GARRE1: variants seen among roughly 807,000 people sequenced by gnomAD.
The protein encoded by GARRE1 is granule associated Rac and RHOG effector 1.
A neutral mutation model predicts 103.2 loss-of-function variants in GARRE1; 49 were observed. The ratio of observed to expected loss-of-function variants is 0.47; its 90% CI spans 0.38 to 0.60. The LOEUF is 0.60. GARRE1 is among the 20% of genes least tolerant of loss of function. The pLI is 0.00. For synonymous variants in GARRE1, 505 were observed against 532.8 expected (o/e 0.95, Z 0.72); for missense variants, 1,199 against 1,370.5 (o/e 0.87, Z 1.98).
Position 34,341,598 on chromosome 19 carries a change from G to GCAC in GARRE1, c.1665_1667dup (p.Thr556dup). ...GCTTCATGTACCAGCTCCAGCAGCA[G>GCAC]CACAAATTATTCCATCCAAAATACC... On this transcript the variant is annotated inframe_insertion, in exon 10 of 14. Coordinates refer to ENST00000299505, the MANE Select transcript of GARRE1 (RefSeq NM_014686.5). 6.2e-7 allele frequency: 1 copy of GCAC among 1,614,156 alleles called. No homozygotes were observed. The highest frequency in any genetic ancestry group is 8.5e-7 in the Non-Finnish European group (1 of 1,180,028).
intron 1 of GARRE1, among the ~76,000 whole-genome samples, chr19:34,258,140 C>T (rs1426349536): frequency 6.6e-6 from 1 of 152,096 alleles, no homozygotes; most frequent in Admixed American, 6.6e-5. Flanking sequence ...GCTGGGATTA[C>T]AGGCGTGAGA....
intron 1 of GARRE1, among the ~76,000 whole-genome samples, chr19:34,278,678 T>G (rs79286258): frequency 0.031 from 4,692 of 151,970 alleles, 241 homozygotes; most frequent in African/African-American, 0.11. Context: ...ATTTCCTTCA[T>G]TAATTTTTTT....
In GARRE1 at chr19:34,300,386, C is replaced by T; in HGVS notation, c.-88C>T. 1.4e-6 allele frequency: 2 copies of T among 1,448,434 alleles called. No homozygotes were observed. Among genetic ancestry groups the T allele is most frequent in the South Asian group, 1.5e-5 (1 of 68,684 alleles). The allele number at this position is 1,448,434 out of a possible 1,614,324, so 89.7% of individuals were successfully genotyped here. Reference sequence around the variant, plus strand: ...TTTAAAACTTCGATTTGCAGAACTCCACTATTTTTATACCTAGCTACAGTT... The same window carrying T: ...TTTAAAACTTCGATTTGCAGAACTCTACTATTTTTATACCTAGCTACAGTT... On this transcript the variant is annotated 5_prime_UTR_variant, in exon 2 of 14. Coordinates refer to ENST00000299505, the MANE Select transcript of GARRE1 (RefSeq NM_014686.5).
At chr19:34,326,488 C>CA (rs2074112470) in intron 3 of GARRE1, among the ~76,000 whole-genome samples, 1 of 152,210 alleles carries the variant, frequency 6.6e-6, no homozygotes, top group Non-Finnish European at 1.5e-5. Flanking sequence ...CGTAAAATGA[C>CA]AGAGATTAGT....
chr19:34,312,863 G>A (rs1056824061), intron 2 of GARRE1, among the ~76,000 whole-genome samples: 55 of 152,110 alleles, frequency 3.6e-4, no homozygotes, highest in Non-Finnish European at 7.3e-5. Context: ...GGAGGCTGAG[G>A]TTGCAGTGAG....
intron 1 of GARRE1, among the ~76,000 whole-genome samples, chr19:34,287,917 T>C (rs369352924): frequency 2.6e-5 from 4 of 152,312 alleles, no homozygotes; most frequent in South Asian, 2.1e-4. Flanking sequence ...ATATGCATTT[T>C]TGGGGAAACA....
At chr19:34,307,639 T>G (rs2074013720) in intron 2 of GARRE1, among the ~76,000 whole-genome samples, 2 of 89,660 alleles carry the variant, frequency 2.2e-5, no homozygotes, top group South Asian at 6.8e-4. Flanking sequence ...ACATATATAC[T>G]TATATATACA....
Position 34,301,603 on chromosome 19 carries a change from C to G in GARRE1, c.495+635C>G, listed in dbSNP as rs1187895562. Among the ~76,000 whole-genome samples, 4 of 150,526 alleles carry G rather than the reference C, an allele frequency of 2.7e-5. No individual in the cohort carries two copies. The East Asian group carries it at 7.8e-4, about 29-fold the overall frequency. On this transcript the variant is annotated intron_variant, in intron 2 of 13. Coordinates refer to ENST00000299505, the MANE Select transcript of GARRE1 (RefSeq NM_014686.5). ...TGTCTTTCAAATTTTCAAGTCAGAA[C>G]CTAATTTTCAAATACCGTACTGGTA...
At chr19:34,281,367 T>G (rs1314185179) in intron 1 of GARRE1, among the ~76,000 whole-genome samples, 1 of 152,236 alleles carries the variant, frequency 6.6e-6, no homozygotes, top group Non-Finnish European at 1.5e-5. Flanking sequence ...CTCAGCTCAC[T>G]GCAACCTCTG....
chr19:34,281,205 C>T (rs942528160), intron 1 of GARRE1, among the ~76,000 whole-genome samples: 1 of 152,182 alleles, frequency 6.6e-6, no homozygotes, highest in Non-Finnish European at 1.5e-5. Flanking sequence ...ACTGCAGCCT[C>T]CACCACCTGG....
At chr19:34,295,778 G>C (rs2073943824) in intron 1 of GARRE1, among the ~76,000 whole-genome samples, 1 of 152,072 alleles carries the variant, frequency 6.6e-6, no homozygotes, top group Admixed American at 6.6e-5. Context: ...CGATCCTCTT[G>C]TCTCAGCCTT....
chr19:34,256,769 G>A (rs889388411), intron 1 of GARRE1, among the ~76,000 whole-genome samples: 1 of 152,102 alleles, frequency 6.6e-6, no homozygotes, highest in African/African-American at 2.4e-5. Context: ...GTGCTTAGAT[G>A]TTTTCAAGTG....
chr19:34,347,441 A>G (rs1182412451), intron 10 of GARRE1, among the ~76,000 whole-genome samples: 1 of 152,128 alleles, frequency 6.6e-6, no homozygotes, highest in Non-Finnish European at 1.5e-5. Context: ...TGGCCAGGCT[A>G]GTCTCGAACT....
intron 2 of GARRE1, among the ~76,000 whole-genome samples, chr19:34,309,086 A>C (rs574147107): frequency 7.2e-5 from 11 of 152,032 alleles, no homozygotes; most frequent in African/African-American, 2.4e-4. Context: ...TTAAAAAAAA[A>C]AACAAACCCT....
chr19:34,320,795 C>T (rs1254079421), intron 3 of GARRE1, among the ~76,000 whole-genome samples: 2 of 150,838 alleles, frequency 1.3e-5, no homozygotes, highest in Non-Finnish European at 2.9e-5. Context: ...GATCAAGTCT[C>T]ACTACAGCCT....
chr19:34,340,088 G>A, intron 9 of GARRE1, 96 bp downstream of exon 9: 1 of 1,320,258 alleles, frequency 7.6e-7, no homozygotes, highest in East Asian at 2.3e-5. Flanking sequence ...ATACGGTATT[G>A]TAAAGAAGGC....
intron 10 of GARRE1, among the ~76,000 whole-genome samples, chr19:34,347,393 A>G (rs895097748): frequency 4.6e-5 from 7 of 151,928 alleles, no homozygotes; most frequent in African/African-American, 1.7e-4. Flanking sequence ...CCTGGCCCAC[A>G]CCCAGCTAAT....
At chr19:34,309,704 G>T (rs913288220) in intron 2 of GARRE1, among the ~76,000 whole-genome samples, 6 of 152,130 alleles carry the variant, frequency 3.9e-5, no homozygotes, top group African/African-American at 1.4e-4. Context: ...TGTACGTTTG[G>T]ACCTTTTCCA....
intron 2 of GARRE1, among the ~76,000 whole-genome samples, chr19:34,311,001 C>T (rs920974929): frequency 7.2e-5 from 11 of 151,824 alleles, no homozygotes; most frequent in African/African-American, 2.2e-4. Flanking sequence ...TTTCTGCCCC[C>T]GCCCCCCCGC....
Sources: allele counts gnomAD v4.1 joint callset (sites outside exome capture counted in the v4.1 genomes callset), GRCh38; gene constraint gnomAD v4.1.1; transcripts MANE v1.5; gene names NCBI Gene and HGNC (gene_info 2026-07-23, HGNC 2026-07-21).